PPAN: variants seen among roughly 807,000 people sequenced by gnomAD.
PPAN encodes peter pan homolog.
A neutral mutation model predicts 48.5 loss-of-function variants in PPAN; 39 were observed. The observed-to-expected ratio is 0.80, with a 90% confidence interval of 0.62 to 1.05. PPAN has a LOEUF of 1.05. Ranked by LOEUF, PPAN falls within the 50% of genes least tolerant of loss-of-function variation. PPAN has a pLI of 0.00. For synonymous variants in PPAN, 315 were observed against 268.6 expected, an observed-to-expected ratio of 1.17 and a Z score of -1.69; for missense variants, 736 against 661.7, an observed-to-expected ratio of 1.11 and a Z score of -1.23.
chr19:10,110,760 GATCCC>G lies in PPAN; in HGVS notation c.1096_1100del (p.Ile366PhefsTer10). 6.2e-7 allele frequency: 1 copy of G among 1,613,976 alleles called. No homozygotes were observed. Among genetic ancestry groups the G allele is most frequent in the Non-Finnish European group, 8.5e-7 (1 of 1,179,982 alleles). On this transcript the variant is annotated frameshift_variant, in exon 11 of 12. Transcript: ENST00000253107. LOFTEE classifies it high-confidence loss of function. This position sits in a 1 kb window ranked among gnomAD's most constrained non-coding sequence, Gnocchi z 5.9. ...GGGGTAGTGATGAAGAGGCCTCTGG[GATCCC>G]TTCAAGGACGGCGAGCCTGGAGTTG...
chr19:10,109,830 C>G, intron 6 of PPAN, 83 bp from the exon 7 acceptor site: 2 of 1,596,542 alleles, frequency 1.3e-6, no homozygotes, highest in Non-Finnish European at 1.7e-6. Context: ...CCCTGACGCA[C>G]TGTGGGAAGG....
At chr19:10,107,071 C>T (rs985436777) in intron 2 of PPAN, 2 of 468,746 alleles carry the variant, frequency 4.3e-6, no homozygotes, top group East Asian at 5.6e-5. Flanking sequence ...CCTGTAGTCC[C>T]GGCTACTCGG....
At position 10,110,845 on chromosome 19, in the gene PPAN, G is replaced by A; in HGVS notation, c.1180G>A (p.Val394Met). The change falls in exon 11 of 12, where the codon GTG (valine) becomes ATG (methionine). Residue 394 changes from valine (V) to methionine (M), a missense_variant. Coordinates refer to ENST00000253107, the MANE Select transcript of PPAN (RefSeq NM_020230.7). This position sits in a 1 kb window ranked among gnomAD's most constrained non-coding sequence, Gnocchi z 5.9. ...TGACATCGAGTATTTCTGCCAGGCG[G>A]TGGGCGAGGCGCCCAGTGAGGGTAT... ...DDDIEYFCQA[V>M]GEAPSEDLFP... The A allele has an allele frequency of 6.2e-7, 1 of 1,613,992 alleles. No individual in the cohort carries two copies.
chr19:10,110,774 C>T lies in PPAN; in HGVS notation c.1109C>T (p.Thr370Met), dbSNP rs371901597. The T allele has an allele frequency of 6.6e-5, 107 of 1,613,800 alleles. No individual in the cohort carries two copies. Among genetic ancestry groups the T allele is most frequent in the African/African-American group, 3.3e-4 (25 of 74,888 alleles). Residue 370 changes from threonine to methionine, a missense_variant, in exon 11 of 12, where the codon ACG (threonine) becomes ATG (methionine). By Grantham distance (81) the Thr-to-Met change is moderately conservative (BLOSUM62 -1). Transcript: ENST00000253107. This position sits in a 1 kb window ranked among gnomAD's most constrained non-coding sequence, Gnocchi z 5.9. Reference sequence around the variant, plus strand: ...GAGGCCTCTGGGATCCCTTCAAGGACGGCGAGCCTGGAGTTGGGTGAGGAC... The same window carrying T: ...GAGGCCTCTGGGATCCCTTCAAGGATGGCGAGCCTGGAGTTGGGTGAGGAC... ...DEEASGIPSRTASLELGEDDD... is the reference protein window; with the variant it reads ...DEEASGIPSRMASLELGEDDD...
At chr19:10,107,767 AC>A in intron 3 of PPAN, 36 bp from the exon 4 acceptor site, 1 of 1,613,638 alleles carries the variant, frequency 6.2e-7, no homozygotes, top group East Asian at 2.2e-5. Flanking sequence ...CCTCTGCTAG[AC>A]CCCTCCAGAG....
intron 3 of PPAN, 74 bp downstream of exon 3, chr19:10,107,680 C>T (rs1443869220): frequency 2.5e-6 from 4 of 1,599,372 alleles, no homozygotes; most frequent in Middle Eastern, 1.7e-4. Context: ...ACACATATGC[C>T]TCTGAGCTGC....
rs184236972 is a variant in PPAN at position 10,107,015 on chromosome 19, C to T, written c.189+344C>T. ...CAGCCTGAGCAGCATGGTGAAACCC[C>T]GTCTTTACAAAAAATAGAAAAATTA... is the stretch of plus-strand genomic sequence containing the variant. On this transcript the variant is annotated intron_variant, in intron 2 of 11. Transcript: ENST00000253107. 18 of 589,578 alleles carry T rather than the reference C, an allele frequency of 3.1e-5. No individual in the cohort carries two copies. In the East Asian group the frequency reaches 3.4e-4, roughly 11 times the overall value. 36.5% of individuals were successfully genotyped at this position (589,578 alleles called of 1,614,324 possible).
chr19:10,106,872 C>T (rs2088849814), intron 2 of PPAN: 4 of 852,448 alleles, frequency 4.7e-6, no homozygotes, highest in African/African-American at 1.7e-5. Flanking sequence ...GATAGATAGT[C>T]GCCTAAGCCT....
chr19:10,107,908 GT>G, intron 4 of PPAN, 54 bp downstream of exon 4: 12 of 1,603,422 alleles, frequency 7.5e-6, no homozygotes, highest in South Asian at 1.1e-5. Context: ...TGGACTTGGG[GT>G]TGTCCGCAGC....
rs1183525062 is a variant in PPAN at position 10,110,566 on chromosome 19, A to G, written c.983A>G (p.Gln328Arg). Reference protein sequence around the residue: ...KLRLKAQRQAQQAQNVQRKQE... With the variant: ...KLRLKAQRQARQAQNVQRKQE... ...CGGCTGAAGGCGCAGAGGCAGGCCC[A>G]GCAGGCCCAGAATGTGCAGCGCAAG... The change falls in exon 10 of 12, where the codon CAG becomes CGG. Residue 328 changes from glutamine (Q) to arginine (R), a missense_variant. Physicochemically the swap from Gln to Arg is conservative, Grantham distance 43 (BLOSUM62 1). Coordinates refer to ENST00000253107, the MANE Select transcript of PPAN (RefSeq NM_020230.7). This position sits in a 1 kb window ranked among gnomAD's most constrained non-coding sequence, Gnocchi z 5.9. The G allele has an allele frequency of 3.7e-6, 6 of 1,605,184 alleles. No homozygotes were observed. The East Asian group carries it at 6.7e-5, about 18-fold the overall frequency.
chr19:10,107,496 C>G lies in PPAN; in HGVS notation c.190-9C>G. ...CTATGTTTTCTTTTTTTCTTTTTGTCATTTCCAGGTTCGTAAGAAGAACTC... is the reference window on the plus strand; with the variant it reads ...CTATGTTTTCTTTTTTTCTTTTTGTGATTTCCAGGTTCGTAAGAAGAACTC... On this transcript the variant is annotated splice_polypyrimidine_tract_variant and intron_variant, in intron 2 of 11. Coordinates refer to ENST00000253107, the MANE Select transcript of PPAN (RefSeq NM_020230.7). 1 of 1,610,512 alleles carries G rather than the reference C, an allele frequency of 6.2e-7. No individual in the cohort carries two copies. The highest frequency in any genetic ancestry group is 8.5e-7 in the Non-Finnish European group (1 of 1,179,230).
At position 10,110,881 on chromosome 19, in the gene PPAN, C is replaced by T; in HGVS notation, c.1201+15C>T. On this transcript the variant is annotated intron_variant, in intron 11 of 11. Coordinates refer to ENST00000253107, the MANE Select transcript of PPAN (RefSeq NM_020230.7). This position sits in a 1 kb window ranked among gnomAD's most constrained non-coding sequence, Gnocchi z 5.9. The stretch of plus-strand genomic sequence containing the variant: ...GCCCAGTGAGGGTATGGAGTGGGGT[C>T]TGCAGCAGGGCACCCAGAGCCTGTC... The T allele has an allele frequency of 6.2e-7, 1 of 1,613,346 alleles. No homozygotes were observed. The highest frequency in any genetic ancestry group is 8.5e-7 in the Non-Finnish European group (1 of 1,179,856).
In PPAN at chr19:10,108,041, C is replaced by T; in HGVS notation, c.420C>T (p.Leu140=). The change falls in exon 5 of 12, where the codon CTC becomes CTT. Residue 140 remains leucine, a synonymous_variant. Transcript: ENST00000253107. The part of the protein sequence containing the change: ...MHEQQFAHPP[L]LVLNSFGPHG... Reference sequence around the variant, plus strand: ...AGCAGCAGTTTGCCCACCCACCCCTCCTGGTACTCAACAGCTTTGGCCCCC... The same window carrying T: ...AGCAGCAGTTTGCCCACCCACCCCTTCTGGTACTCAACAGCTTTGGCCCCC... 6.2e-7 allele frequency: 1 copy of T among 1,614,072 alleles called. No homozygotes were observed.
At position 10,108,126 on chromosome 19, in the gene PPAN, G is replaced by C. The variant is rs770413115; in HGVS notation, c.505G>C (p.Val169Leu). 6.2e-7 allele frequency: 1 copy of C among 1,609,510 alleles called. No individual in the cohort carries two copies. Among genetic ancestry groups the C allele is most frequent in the Non-Finnish European group, 8.5e-7 (1 of 1,177,616 alleles). Reference sequence around the variant, plus strand: ...CCAGAACCTGTTCCCCTCCATCAACGTGCACAAGGTGGGTCTGGCCTGGCG... The same window carrying C: ...CCAGAACCTGTTCCCCTCCATCAACCTGCACAAGGTGGGTCTGGCCTGGCG... ...MFQNLFPSIN[V>L]HKVNLNTIKR... Residue 169 changes from valine (V) to leucine (L), a missense_variant, in exon 5 of 12, where the codon GTG (valine) becomes CTG (leucine). Transcript: ENST00000253107.
chr19:10,108,405 G>C (rs754486929), intron 5 of PPAN, among the ~76,000 whole-genome samples: 1 of 152,140 alleles, frequency 6.6e-6, no homozygotes, highest in Non-Finnish European at 1.5e-5. Context: ...TGTGTTGAGT[G>C]CTGGGCTGAG....
In PPAN at chr19:10,111,753, C is replaced by T. The variant is rs1226915792; in HGVS notation, c.*588C>T. 2 of 1,613,250 alleles carry T rather than the reference C, an allele frequency of 1.2e-6. No homozygotes were observed. Among genetic ancestry groups the T allele is most frequent in the East Asian group, 2.2e-5 (1 of 44,850 alleles). The stretch of plus-strand genomic sequence containing the variant: ...GCCAACGTCTCGGGTAAGGAGAAGG[C>T]ATGTTGGCTGTCTCTGGGGGTCTGC... On this transcript the variant is annotated 3_prime_UTR_variant, in exon 12 of 12. Coordinates refer to ENST00000253107, the MANE Select transcript of PPAN (RefSeq NM_020230.7).
chr19:10,110,918 G>A lies in PPAN; in HGVS notation c.1202-27G>A, dbSNP rs2089038018. On this transcript the variant is annotated intron_variant, in intron 11 of 11. Transcript: ENST00000253107. This position sits in a 1 kb window ranked among gnomAD's most constrained non-coding sequence, Gnocchi z 5.9. The stretch of plus-strand genomic sequence containing the variant: ...ACCCAGAGCCTGTCCTTGTCTCTGG[G>A]GGCCCTGACACTGTCTCTCCCCACA... The A allele has an allele frequency of 1.9e-6, 3 of 1,613,162 alleles. No individual in the cohort carries two copies. The highest frequency in any genetic ancestry group is 3.3e-5 in the Admixed American group (2 of 59,986).
rs1037991025 is a variant in PPAN, at chr19:10,111,633, G to A, written c.*468G>A. 20 of 1,546,296 alleles carry A rather than the reference G, an allele frequency of 1.3e-5. No individual in the cohort carries two copies. The highest frequency in any genetic ancestry group is 2.2e-5 in the East Asian group (1 of 44,496). ...GGCTGGGCCAGTAACTGGGGATGGG[G>A]CTGGGGCAGGGCCCACTAAGCCACT... is the stretch of plus-strand genomic sequence containing the variant. On this transcript the variant is annotated 3_prime_UTR_variant, in exon 12 of 12. Coordinates refer to ENST00000253107, the MANE Select transcript of PPAN (RefSeq NM_020230.7).
In PPAN at chr19:10,107,390, G is replaced by A. The variant is rs922255012; in HGVS notation, c.190-115G>A. ...GGCTAAGATCCTTTTGCTCCTCTGG[G>A]CTTGTTGAAAGGGTCAGATGCAAGA... On this transcript the variant is annotated intron_variant, in intron 2 of 11. Coordinates refer to ENST00000253107, the MANE Select transcript of PPAN (RefSeq NM_020230.7). The A allele has an allele frequency of 5.5e-6, 6 of 1,098,390 alleles. No homozygotes were observed. The African/African-American group carries it at 7.9e-5, about 14-fold the overall frequency. The allele number at this position is 1,098,390 out of a possible 1,614,324, so 68.0% of individuals were successfully genotyped here.
Sources: allele counts gnomAD v4.1 joint callset (sites outside exome capture counted in the v4.1 genomes callset), GRCh38; gene constraint gnomAD v4.1.1; non-coding constraint Gnocchi (gnomAD v3.1); transcripts MANE v1.5; gene names NCBI Gene and HGNC (gene_info 2026-07-23, HGNC 2026-07-21).